TRAK1: variants seen among roughly 807,000 people sequenced by gnomAD.
TRAK1 encodes the protein trafficking kinesin-binding protein 1.
TRAK1 carries 33 observed loss-of-function variants against 92.1 expected under a neutral mutation model. That is an observed-to-expected ratio of 0.36 (90% confidence interval 0.27 to 0.48). The LOEUF (loss-of-function observed/expected upper bound fraction) is 0.48, where lower values mean the gene tolerates loss of function less well. Among genes scored for constraint, TRAK1 ranks in the 20% least tolerant of loss-of-function variants. The probability of loss-of-function intolerance (pLI) is 0.99; values close to 1 mark genes in which losing one functional copy is unlikely to be tolerated. For missense variants in TRAK1, 1,123 were observed against 1,257.9 expected, an observed-to-expected ratio of 0.89 and a Z score of 1.62; for synonymous variants, 521 against 517.3, an observed-to-expected ratio of 1.01 and a Z score of -0.10.
chr3:42,079,124 A>G (rs1213102976), intron 1 of TRAK1, among the ~76,000 whole-genome samples: 1 of 152,234 alleles, frequency 6.6e-6, no homozygotes, highest in Non-Finnish European at 1.5e-5. Flanking sequence ...TGGATTTCCA[A>G]TATATGGAAC....
At chr3:42,149,548 A>G (rs1699717198) in intron 2 of TRAK1, 1 of 1,536,086 alleles carries the variant, frequency 6.5e-7, no homozygotes, top group Non-Finnish European at 8.7e-7. Context: ...GCAGAAATTT[A>G]TCGAAGCGGA....
chr3:42,125,677 C>A, intron 2 of TRAK1, 63 bp downstream of exon 2: 2 of 1,560,592 alleles, frequency 1.3e-6, no homozygotes, highest in Non-Finnish European at 8.8e-7. Flanking sequence ...TAGCCATGGC[C>A]CCAAATAAGA....
chr3:42,064,291 C>T (rs1486953071), intron 1 of TRAK1, among the ~76,000 whole-genome samples: 3 of 151,904 alleles, frequency 2.0e-5, no homozygotes, highest in Non-Finnish European at 2.9e-5. Context: ...TAGCAAGACC[C>T]TGTCTCTACC....
At chr3:42,090,642 T>G (rs1368581286), upstream of TRAK1, among the ~76,000 whole-genome samples, 2 of 152,196 alleles carry the variant, frequency 1.3e-5, no homozygotes, top group African/African-American at 4.8e-5. Context: ...GACACAGTGC[T>G]ACTGTACTCT....
chr3:42,104,634 C>G (rs978848709), intron 1 of TRAK1, among the ~76,000 whole-genome samples: 4 of 152,208 alleles, frequency 2.6e-5, no homozygotes, highest in African/African-American at 9.7e-5. Context: ...GCTGAGGGTC[C>G]TGACTGTTAG....
intron 1 of TRAK1, among the ~76,000 whole-genome samples, chr3:42,027,209 A>G (rs887777802): frequency 2.0e-5 from 3 of 152,210 alleles, no homozygotes; most frequent in African/African-American, 7.2e-5. Context: ...AATGGCCACA[A>G]CTGTCAGAAG....
intron 2 of TRAK1, among the ~76,000 whole-genome samples, chr3:42,134,394 C>T (rs1013740074): frequency 6.6e-6 from 1 of 151,104 alleles, no homozygotes; most frequent in Non-Finnish European, 1.5e-5. Context: ...CCTTCTGTCT[C>T]AGCCTCCCGA....
intron 2 of TRAK1, among the ~76,000 whole-genome samples, chr3:42,138,369 T>C (rs9757224): frequency 0.03 from 4,520 of 152,256 alleles, 236 homozygotes; most frequent in African/African-American, 0.1. Flanking sequence ...AATATCCTCT[T>C]CCCAGGGCGT....
intron 1 of TRAK1, among the ~76,000 whole-genome samples, chr3:42,036,409 C>T (rs960015935): frequency 2.0e-5 from 3 of 152,164 alleles, no homozygotes; most frequent in African/African-American, 4.8e-5. Context: ...TCATGATACC[C>T]GGTGTGTGTT....
chr3:42,092,714 T>TTGTGTTGTGTTATGTTATGA (rs1559754201), intron 1 of TRAK1, among the ~76,000 whole-genome samples: 1 of 108,018 alleles, frequency 9.3e-6, no homozygotes, highest in Admixed American at 1.1e-4. Context: ...TTGTGTTGTG[T>TTGTGTTGTGTTATGTTATGA]TATGTTATGT....
chr3:42,214,654 C>G (rs1709455269), intron 14 of TRAK1, among the ~76,000 whole-genome samples: 1 of 152,172 alleles, frequency 6.6e-6, no homozygotes, highest in Non-Finnish European at 1.5e-5. Context: ...GAAGAGTCGA[C>G]TTTTAATTTT....
intron 1 of TRAK1, among the ~76,000 whole-genome samples, chr3:42,080,277 C>T (rs999390683): frequency 1.3e-5 from 2 of 152,090 alleles, no homozygotes; most frequent in African/African-American, 2.4e-5. Flanking sequence ...AACTGGGGGC[C>T]GGAATTGTTG....
intron 2 of TRAK1, among the ~76,000 whole-genome samples, chr3:42,142,924 A>G (rs1698851689): frequency 6.6e-6 from 1 of 152,174 alleles, no homozygotes; most frequent in African/African-American, 2.4e-5. Flanking sequence ...ATACCTTATC[A>G]CTTCTACCTC....
intron 1 of TRAK1, among the ~76,000 whole-genome samples, chr3:42,095,712 A>ATCATCG (rs148593287): frequency 0.5 from 75,384 of 150,954 alleles, 20,354 homozygotes; most frequent in South Asian, 0.67. Context: ...GTTTGGCTTT[A>ATCATCG]TCATCGTCAT....
At chr3:42,125,749 G>A (rs1408259532) in intron 2 of TRAK1, 135 bp downstream of exon 2, 23 of 967,254 alleles carry the variant, frequency 2.4e-5, no homozygotes, top group Non-Finnish European at 3.2e-5. Context: ...AAAGAAATGC[G>A]GCTGTAGGGG....
intron 1 of TRAK1, among the ~76,000 whole-genome samples, chr3:42,108,431 C>T (rs901905896): frequency 2.7e-5 from 4 of 147,842 alleles, no homozygotes; most frequent in Admixed American, 2.1e-4. Context: ...GTTGAGGCTG[C>T]AGTGAGCTGT....
intron 2 of TRAK1, among the ~76,000 whole-genome samples, chr3:42,136,033 C>G (rs1048583065): frequency 2.0e-5 from 3 of 152,184 alleles, no homozygotes. Context: ...CCCCTGTTCT[C>G]CTAAATCCAT....
At chr3:42,163,395 CCT>C (rs1274834226) in intron 2 of TRAK1, among the ~76,000 whole-genome samples, 2 of 151,998 alleles carry the variant, frequency 1.3e-5, no homozygotes, top group East Asian at 1.9e-4. Flanking sequence ...ATGGTGAACC[CCT>C]GTCTCTACTA....
intron 1 of TRAK1, among the ~76,000 whole-genome samples, chr3:42,096,009 G>C (rs191099887): frequency 1.2e-4 from 19 of 152,284 alleles, no homozygotes; most frequent in Admixed American, 5.9e-4. Context: ...GACATTTGGT[G>C]GTGCCTTTAT....
Sources: gnomAD v4.1 joint callset for allele counts (sites outside exome capture counted in the v4.1 genomes callset) on GRCh38, gnomAD v4.1.1 for gene constraint, MANE v1.5 for transcripts, NCBI Gene and HGNC (gene_info 2026-07-23, HGNC 2026-07-21) for gene names.